The following ADCY9 variants were observed in gnomAD, a reference collection of about 807,000 sequenced individuals.
ADCY9 encodes the protein adenylate cyclase type 9.
ADCY9 carries 50 observed loss-of-function variants against 101.5 expected under a neutral mutation model. The ratio of observed to expected loss-of-function variants is 0.49; its 90% CI spans 0.39 to 0.62. The LOEUF is 0.62. ADCY9 is among the 20% of genes least tolerant of loss of function. The pLI is 0.00. For missense variants in ADCY9, 1,662 were observed against 1,800.4 expected (o/e 0.92, Z 1.39); for synonymous variants, 905 against 769.3 (o/e 1.18, Z -2.92).
At chr16:4,033,361 G>A (rs573664552) in intron 2 of ADCY9, among the ~76,000 whole-genome samples, 12 of 151,744 alleles carry the variant, frequency 7.9e-5, no homozygotes, top group African/African-American at 2.9e-4. Flanking sequence ...CAAGATTCCC[G>A]ATTCCAAATG....
At chr16:3,957,370 A>T (rs537286560) in intron 5 of ADCY9, among the ~76,000 whole-genome samples, 12 of 152,344 alleles carry the variant, frequency 7.9e-5, no homozygotes, top group Admixed American at 7.2e-4. Context: ...AGGTAGAGGC[A>T]TATTTGCGTA....
chr16:4,077,861 G>A (rs1597211601), intron 2 of ADCY9, among the ~76,000 whole-genome samples: 1 of 151,694 alleles, frequency 6.6e-6, no homozygotes, highest in African/African-American at 2.4e-5. Flanking sequence ...AAATTAGCCA[G>A]GCGTGGTGGT....
chr16:4,016,554 T>TTTCTAACAGCTCATCCGTAG (rs2056440008), intron 2 of ADCY9, among the ~76,000 whole-genome samples: 1 of 152,098 alleles, frequency 6.6e-6, no homozygotes, highest in Non-Finnish European at 1.5e-5. Context: ...TAAGAGGTGC[T>TTTCTAACAGCTCATCCGTAG]GATTCAAGCA....
chr16:4,068,007 T>C (rs1173208565), intron 2 of ADCY9, among the ~76,000 whole-genome samples: 1 of 152,184 alleles, frequency 6.6e-6, no homozygotes, highest in Non-Finnish European at 1.5e-5. Context: ...CTTTCACTTT[T>C]GGGATTTGAG....
At chr16:4,075,427 C>T (rs2056860848) in intron 2 of ADCY9, among the ~76,000 whole-genome samples, 1 of 152,212 alleles carries the variant, frequency 6.6e-6, no homozygotes, top group Admixed American at 6.5e-5. Context: ...GCATGAGCCA[C>T]CGTGCCTGGC....
At chr16:3,991,599 A>G (rs959209149) in intron 5 of ADCY9, among the ~76,000 whole-genome samples, 1 of 151,882 alleles carries the variant, frequency 6.6e-6, no homozygotes, top group Non-Finnish European at 1.5e-5. Flanking sequence ...CATCTCTACT[A>G]AAAACACAAA....
chr16:3,992,758 G>A lies in ADCY9; in HGVS notation c.1990-395C>T, dbSNP rs1329400081. Among the ~76,000 whole-genome samples, 1 of 152,150 alleles carries A rather than the reference G, an allele frequency of 6.6e-6. No individual in the cohort carries two copies. Among genetic ancestry groups the A allele is most frequent in the Non-Finnish European group, 1.5e-5 (1 of 68,014 alleles). On this transcript the variant is annotated intron_variant, in intron 4 of 10. Coordinates refer to ENST00000294016, the MANE Select transcript of ADCY9 (RefSeq NM_001116.4). The surrounding 1 kb of genome is among the most constrained non-coding windows in gnomAD (Gnocchi z 4.2). The stretch of plus-strand genomic sequence containing the variant: ...GGGGGTCCAGGAGAAGTATGACGAG[G>A]GGTCCAGGGCTGTCAGGGCACAGGC...
intron 2 of ADCY9, among the ~76,000 whole-genome samples, chr16:4,086,296 T>C (rs983520544): frequency 3.3e-5 from 5 of 152,010 alleles, no homozygotes; most frequent in Non-Finnish European, 5.9e-5. Context: ...GAGGGTCCAT[T>C]GCAAGCAAGT....
At position 4,115,322 on chromosome 16, in the gene ADCY9, T is replaced by C. The variant is rs370117453; in HGVS notation, c.121A>G (p.Ser41Gly). The stretch of plus-strand genomic sequence containing the variant: ...CTGTATTTGCAGTGCTTGGGGTGGC[T>C]GTTGGAGGACAGCTGCTTGGGGTTG... ...KINPKQLSSN[S>G]HPKHCKYSIS... is the part of the protein sequence containing the mutation. The change falls in exon 2 of 11, where the codon AGC becomes GGC. Residue 41 changes from serine to glycine, a missense_variant. Physicochemically the swap from Ser to Gly is moderately conservative, Grantham distance 56 (BLOSUM62 0). Coordinates refer to ENST00000294016, the MANE Select transcript of ADCY9 (RefSeq NM_001116.4). The surrounding 1 kb of genome is among the most constrained non-coding windows in gnomAD (Gnocchi z 6.2). The C allele has an allele frequency of 9.3e-6, 15 of 1,613,652 alleles. No homozygotes were observed. In the Admixed American group the frequency reaches 2.0e-4, roughly 22 times the overall value.
intron 5 of ADCY9, among the ~76,000 whole-genome samples, chr16:3,956,390 T>C (rs1597125613): frequency 6.6e-6 from 1 of 151,788 alleles, no homozygotes; most frequent in African/African-American, 2.4e-5. Flanking sequence ...ATAGAATTTA[T>C]TGTGTAATCA....
intron 9 of ADCY9, among the ~76,000 whole-genome samples, 163 bp from the exon 10 acceptor site, chr16:3,974,873 A>G (rs2056081278): frequency 6.6e-6 from 1 of 152,170 alleles, no homozygotes; most frequent in Non-Finnish European, 1.5e-5. Context: ...TGTGTCTCCC[A>G]ATGCTGGGGG....
At chr16:4,104,422 T>C (rs1567150058) in intron 2 of ADCY9, among the ~76,000 whole-genome samples, 1 of 152,184 alleles carries the variant, frequency 6.6e-6, no homozygotes, top group Non-Finnish European at 1.5e-5. Flanking sequence ...AGATTCCATA[T>C]TGCAACTAAC....
chr16:4,082,875 C>T (rs2056914186), intron 2 of ADCY9, among the ~76,000 whole-genome samples: 2 of 152,238 alleles, frequency 1.3e-5, no homozygotes, highest in Admixed American at 6.5e-5. Context: ...CACATGGCCC[C>T]GCCTTGGCCA....
intron 2 of ADCY9, among the ~76,000 whole-genome samples, chr16:4,075,837 T>C (rs1015982905): frequency 9.3e-6 from 1 of 107,422 alleles, no homozygotes; most frequent in African/African-American, 3.6e-5. Flanking sequence ...CCTGCACAGA[T>C]ACCTGGCTGA....
At chr16:4,018,139 G>A (rs183477702) in intron 2 of ADCY9, among the ~76,000 whole-genome samples, 17 of 152,252 alleles carry the variant, frequency 1.1e-4, no homozygotes, top group African/African-American at 3.4e-4. Context: ...AAAGGCCACC[G>A]AGGCTGCGGA....
At chr16:4,011,370 G>A (rs960368741) in intron 2 of ADCY9, among the ~76,000 whole-genome samples, 2 of 152,264 alleles carry the variant, frequency 1.3e-5, no homozygotes, top group South Asian at 4.1e-4. Context: ...CTGGGGCCAC[G>A]GGCAGCAGGG....
chr16:4,015,405 A>T (rs2056431799), intron 2 of ADCY9, among the ~76,000 whole-genome samples: 2 of 152,098 alleles, frequency 1.3e-5, no homozygotes, highest in African/African-American at 4.8e-5. Context: ...ACGAGCCTTC[A>T]CAAAGACTGT....
chr16:4,033,700 C>T (rs1439169855), intron 2 of ADCY9, among the ~76,000 whole-genome samples: 1 of 152,134 alleles, frequency 6.6e-6, no homozygotes, highest in Non-Finnish European at 1.5e-5. Context: ...CAGGCATGAG[C>T]CTTGACAAGC....
chr16:4,094,339 C>T lies in ADCY9; in HGVS notation c.1693+19411G>A, dbSNP rs777303829. 3.9e-5 allele frequency among the ~76,000 whole-genome samples: 6 copies of T among 152,236 alleles called. 1 individual carries two copies. Among genetic ancestry groups the T allele is most frequent in the African/African-American group, 9.6e-5 (4 of 41,550 alleles). On this transcript the variant is annotated intron_variant, in intron 2 of 10. Coordinates refer to ENST00000294016, the MANE Select transcript of ADCY9 (RefSeq NM_001116.4). ...TCTTTGTCCAGGTGAGATTCTCACT[C>T]GGGTCAGAGGGCAAAGGTATCCAAT...
Sources: gnomAD v4.1 joint callset for allele counts (sites outside exome capture counted in the v4.1 genomes callset) on GRCh38, gnomAD v4.1.1 for gene constraint, Gnocchi (gnomAD v3.1) non-coding constraint, MANE v1.5 for transcripts, NCBI Gene and HGNC (gene_info 2026-07-23, HGNC 2026-07-21) for gene names.